The following SGCZ variants were observed in gnomAD, a reference collection of about 807,000 sequenced individuals.
SGCZ encodes zeta-sarcoglycan.
In SGCZ, 40 loss-of-function variants were observed where a neutral mutation model predicts 41.3. The observed-to-expected ratio is 0.97, with a 90% CI of 0.75 to 1.26. SGCZ has a LOEUF of 1.26. Ranked by LOEUF, SGCZ falls within the 50% of genes most tolerant of loss-of-function variation. The pLI is 0.00. For synonymous variants in SGCZ, 206 were observed against 137.5 expected, an observed-to-expected ratio of 1.50 and a Z score of -3.49; for missense variants, 552 against 369.8, an observed-to-expected ratio of 1.49 and a Z score of -4.04.
chr8:14,757,464 G>A (rs985609073), intron 1 of SGCZ, among the ~76,000 whole-genome samples: 2 of 152,294 alleles, frequency 1.3e-5, no homozygotes, highest in East Asian at 3.9e-4. Context: ...CACTACCGAT[G>A]CCTCTTTGTC....
At chr8:14,464,422 T>C (rs1800989314) in intron 2 of SGCZ, among the ~76,000 whole-genome samples, 1 of 151,540 alleles carries the variant, frequency 6.6e-6, no homozygotes, top group African/African-American at 2.4e-5. Context: ...ATAATCCTTT[T>C]TATAACTGTA....
chr8:14,897,676 T>A (rs970486626), intron 1 of SGCZ, among the ~76,000 whole-genome samples: 1 of 152,232 alleles, frequency 6.6e-6, no homozygotes, highest in Non-Finnish European at 1.5e-5. Flanking sequence ...GCATAGACTA[T>A]ACTAGCATGA....
chr8:14,544,322 A>G (rs1490452536), intron 2 of SGCZ, among the ~76,000 whole-genome samples: 2 of 152,120 alleles, frequency 1.3e-5, no homozygotes, highest in Non-Finnish European at 2.9e-5. Flanking sequence ...TTGATTGTAA[A>G]ACATGTGTGT....
At chr8:15,107,838 G>A (rs1474231976) in intron 1 of SGCZ, among the ~76,000 whole-genome samples, 1 of 152,092 alleles carries the variant, frequency 6.6e-6, no homozygotes, top group Non-Finnish European at 1.5e-5. Flanking sequence ...CATTGCCATA[G>A]ATCTCTTCTG....
intron 3 of SGCZ, among the ~76,000 whole-genome samples, chr8:14,242,043 T>C (rs770397906): frequency 5.3e-5 from 8 of 152,218 alleles, no homozygotes; most frequent in Non-Finnish European, 7.3e-5. Flanking sequence ...GACTTCTTTA[T>C]TTTCTGGAGT....
chr8:15,237,169 C>A (rs1011581556), intron 1 of SGCZ, among the ~76,000 whole-genome samples: 1 of 152,158 alleles, frequency 6.6e-6, no homozygotes, highest in Non-Finnish European at 1.5e-5. Context: ...GGGATCGGAG[C>A]CGGGAAGAGG....
chr8:15,023,171 A>C (rs1414319798), intron 1 of SGCZ, among the ~76,000 whole-genome samples: 1 of 152,226 alleles, frequency 6.6e-6, no homozygotes, highest in Non-Finnish European at 1.5e-5. Flanking sequence ...AAAATTGAAC[A>C]TGAAACAGAT....
intron 1 of SGCZ, among the ~76,000 whole-genome samples, chr8:14,640,240 C>G (rs1251822672): frequency 2.0e-5 from 3 of 151,684 alleles, no homozygotes; most frequent in African/African-American, 7.3e-5. Context: ...TGTAAAGTGT[C>G]CTTCAGAAGT....
At chr8:14,603,849 T>G (rs1035142501) in intron 1 of SGCZ, among the ~76,000 whole-genome samples, 1 of 152,156 alleles carries the variant, frequency 6.6e-6, no homozygotes, top group Non-Finnish European at 1.5e-5. Context: ...CAGAAAAGCA[T>G]GCAATAGTTG....
At chr8:14,187,601 T>C (rs1485898430) in intron 4 of SGCZ, among the ~76,000 whole-genome samples, 2 of 151,750 alleles carry the variant, frequency 1.3e-5, no homozygotes, top group African/African-American at 4.8e-5. Context: ...TGTTCCACAG[T>C]AGATTTAAAC....
chr8:15,218,425 C>G (rs1801488691), intron 1 of SGCZ, among the ~76,000 whole-genome samples: 1 of 152,156 alleles, frequency 6.6e-6, no homozygotes, highest in Admixed American at 6.5e-5. Flanking sequence ...TAGGTGTAGG[C>G]TGATTGACTT....
intron 1 of SGCZ, among the ~76,000 whole-genome samples, chr8:15,101,099 A>G (rs1406966801): frequency 1.3e-5 from 2 of 152,208 alleles, no homozygotes; most frequent in Non-Finnish European, 2.9e-5. Flanking sequence ...TTTCATACAT[A>G]TTAACTCGAA....
chr8:14,341,802 C>T (rs749317665), intron 2 of SGCZ, among the ~76,000 whole-genome samples: 11 of 152,110 alleles, frequency 7.2e-5, no homozygotes, highest in Non-Finnish European at 1.5e-4. Context: ...TTTCTCTTGC[C>T]ACCACCATGT....
chr8:14,442,825 T>A (rs1048450100), intron 2 of SGCZ, among the ~76,000 whole-genome samples: 1 of 152,208 alleles, frequency 6.6e-6, no homozygotes, highest in Non-Finnish European at 1.5e-5. Flanking sequence ...ATTTTTTGTA[T>A]CATTATCTTT....
chr8:14,776,297 A>G (rs1800399337), intron 1 of SGCZ, among the ~76,000 whole-genome samples: 1 of 151,972 alleles, frequency 6.6e-6, no homozygotes, highest in Non-Finnish European at 1.5e-5. Flanking sequence ...CCATACTGTT[A>G]TTGTGGTAAT....
chr8:14,515,412 T>A (rs1802591510), intron 2 of SGCZ, among the ~76,000 whole-genome samples: 1 of 152,096 alleles, frequency 6.6e-6, no homozygotes, highest in African/African-American at 2.4e-5. Flanking sequence ...GCTTCATATA[T>A]CCAGAATAAG....
At chr8:14,400,265 T>C (rs1232600015) in intron 2 of SGCZ, among the ~76,000 whole-genome samples, 1 of 152,126 alleles carries the variant, frequency 6.6e-6, no homozygotes, top group Admixed American at 6.6e-5. Flanking sequence ...ATTCATCAGT[T>C]GACATTTTAG....
intron 1 of SGCZ, among the ~76,000 whole-genome samples, chr8:14,997,893 G>T (rs954476213): frequency 6.6e-6 from 1 of 152,108 alleles, no homozygotes; most frequent in East Asian, 1.9e-4. Flanking sequence ...CCGGGAGGCG[G>T]AGGTTGCAGT....
chr8:14,433,706 T>C (rs1264299759), intron 2 of SGCZ, among the ~76,000 whole-genome samples: 2 of 152,312 alleles, frequency 1.3e-5, no homozygotes, highest in South Asian at 4.1e-4. Flanking sequence ...ACACGCTCTC[T>C]GAGGGTGAAG....
Sources: gnomAD v4.1 joint callset for allele counts (sites outside exome capture counted in the v4.1 genomes callset) on GRCh38, gnomAD v4.1.1 for gene constraint, MANE v1.5 for transcripts, NCBI Gene and HGNC (gene_info 2026-07-23, HGNC 2026-07-21) for gene names.